Variants in HYDIN observed in about 807,000 individuals in gnomAD.
HYDIN encodes HYDIN axonemal central pair apparatus protein, also known as axonemal central pair apparatus protein HYDIN.
A neutral mutation model predicts 403.9 loss-of-function variants in HYDIN; 132 were observed. The observed-to-expected ratio is 0.33, with a 90% confidence interval of 0.28 to 0.38. HYDIN has a LOEUF of 0.38. HYDIN is among the 10% of genes least tolerant of loss of function. HYDIN has a pLI of 1.00. For synonymous variants in HYDIN, 1,202 were observed against 1,891.7 expected, an observed-to-expected ratio of 0.64 and a Z score of 9.46; for missense variants, 2,827 against 5,009.5, an observed-to-expected ratio of 0.56 and a Z score of 13.15.
intron 13 of HYDIN, among the ~76,000 whole-genome samples, chr16:71,073,061 A>C (rs2144316647): frequency 6.6e-6 from 1 of 152,392 alleles, no homozygotes; most frequent in Admixed American, 6.5e-5. Context: ...TTTCTAAAAA[A>C]ACAGAAAAAA....
At chr16:71,000,785 T>C (rs1372948778) in intron 23 of HYDIN, among the ~76,000 whole-genome samples, 2 of 152,002 alleles carry the variant, frequency 1.3e-5, no homozygotes, top group Non-Finnish European at 2.9e-5. Context: ...AGATTCTAGA[T>C]GAACAGGCTA....
At chr16:70,945,181 C>T (rs1285727486) in intron 41 of HYDIN, among the ~76,000 whole-genome samples, 1 of 152,092 alleles carries the variant, frequency 6.6e-6, no homozygotes, top group African/African-American at 2.4e-5. Flanking sequence ...GTGACTGAGA[C>T]GAAAATGGTG....
chr16:71,187,901 A>C (rs570689927), intron 1 of HYDIN, among the ~76,000 whole-genome samples: 2 of 152,304 alleles, frequency 1.3e-5, no homozygotes, highest in Admixed American at 1.3e-4. Flanking sequence ...AAGATCCACC[A>C]TGCTATAATT....
chr16:71,206,719 A>G (rs368218074), intron 1 of HYDIN, among the ~76,000 whole-genome samples: 3 of 152,256 alleles, frequency 2.0e-5, no homozygotes, highest in East Asian at 1.9e-4. Context: ...TAGCCAGTAT[A>G]GAAAAGAATG....
At chr16:71,028,722 T>C (rs1419280185) in intron 19 of HYDIN, among the ~76,000 whole-genome samples, 2 of 152,242 alleles carry the variant, frequency 1.3e-5, no homozygotes, top group African/African-American at 4.8e-5. Flanking sequence ...AGTTGAACCA[T>C]GAAATAAACA....
chr16:70,991,502 C>T lies in HYDIN; in HGVS notation c.3786-106G>A, dbSNP rs539385845. 15 of 1,527,260 alleles carry T rather than the reference C, an allele frequency of 9.8e-6. No homozygotes were observed. In the South Asian group the frequency reaches 1.6e-4, roughly 16 times the overall value. The allele number at this position is 1,527,260 out of a possible 1,614,324, so 94.6% of individuals were successfully genotyped here. On this transcript the variant is annotated intron_variant, in intron 24 of 85. Transcript: ENST00000393567. Reference sequence around the variant, plus strand: ...TTCCTCTTCTCCCTCTACCACACCCCCAAACGTAAGGGGGATTCTCAATCA... The same window carrying T: ...TTCCTCTTCTCCCTCTACCACACCCTCAAACGTAAGGGGGATTCTCAATCA...
intron 45 of HYDIN, among the ~76,000 whole-genome samples, chr16:70,930,200 G>T (rs1365748660): frequency 6.6e-6 from 1 of 152,374 alleles, no homozygotes; most frequent in East Asian, 1.9e-4. Context: ...CACCAACCGG[G>T]CTGGGCACAG....
chr16:71,044,898 G>A (rs192894182), intron 18 of HYDIN, among the ~76,000 whole-genome samples: 4 of 150,580 alleles, frequency 2.7e-5, no homozygotes, highest in African/African-American at 7.3e-5. Context: ...TTCTTCTTCC[G>A]GTGATGATAC....
chr16:71,151,216 T>G (rs1022946938), intron 7 of HYDIN, among the ~76,000 whole-genome samples: 5 of 152,144 alleles, frequency 3.3e-5, no homozygotes, highest in Admixed American at 3.3e-4. Flanking sequence ...CTAGTTTCTC[T>G]TGCTAGCAGC....
At chr16:70,898,253 T>G (rs572485424) in intron 53 of HYDIN, among the ~76,000 whole-genome samples, 1 of 151,664 alleles carries the variant, frequency 6.6e-6, no homozygotes, top group Non-Finnish European at 1.5e-5. Context: ...CTCTCCAATA[T>G]CCCCTTGCTG....
intron 9 of HYDIN, among the ~76,000 whole-genome samples, chr16:71,125,944 A>G (rs1001622417): frequency 1.5e-4 from 22 of 149,304 alleles, no homozygotes; most frequent in African/African-American, 5.6e-4. Context: ...CACCCATCTC[A>G]CCCTCTGTCT....
chr16:71,217,204 T>A (rs1436248642), intron 1 of HYDIN, among the ~76,000 whole-genome samples: 1 of 152,196 alleles, frequency 6.6e-6, no homozygotes, highest in Non-Finnish European at 1.5e-5. Context: ...ATAAGAATAA[T>A]GTACAACTAT....
At chr16:71,107,476 G>GA (rs1306021584) in intron 10 of HYDIN, among the ~76,000 whole-genome samples, 2 of 149,964 alleles carry the variant, frequency 1.3e-5, no homozygotes, top group South Asian at 2.1e-4. Flanking sequence ...CAATTTATAA[G>GA]AAAAAAACAA....
At chr16:71,227,182 T>C (rs2144776918) in intron 1 of HYDIN, among the ~76,000 whole-genome samples, 1 of 151,922 alleles carries the variant, frequency 6.6e-6, no homozygotes, top group Admixed American at 6.6e-5. Flanking sequence ...TATATATGAA[T>C]GATATGGGCA....
At chr16:71,020,445 T>C in intron 21 of HYDIN, 128 bp from the exon 22 acceptor site, 1 of 1,332,108 alleles carries the variant, frequency 7.5e-7, no homozygotes, top group Non-Finnish European at 1.0e-6. Context: ...TGTGTGTGTG[T>C]GTGTATATAT....
intron 35 of HYDIN, 27 bp from the exon 36 acceptor site, chr16:70,970,786 A>G: frequency 6.3e-7 from 1 of 1,596,502 alleles, no homozygotes; most frequent in Non-Finnish European, 8.6e-7. Flanking sequence ...CAAAACAAGC[A>G]TCTGAGTTTA....
intron 65 of HYDIN, among the ~76,000 whole-genome samples, chr16:70,869,952 A>G (rs896117998): frequency 1.3e-5 from 2 of 149,310 alleles, no homozygotes; most frequent in African/African-American, 4.9e-5. Context: ...TGATATGGAC[A>G]ATGAAATCCA....
At chr16:70,968,562 A>T (rs967920329) in intron 36 of HYDIN, among the ~76,000 whole-genome samples, 1 of 152,158 alleles carries the variant, frequency 6.6e-6, no homozygotes, top group Non-Finnish European at 1.5e-5. Context: ...AGTAATGAAG[A>T]GCTCCTCCTA....
chr16:70,988,823 GA>G (rs1230758944), intron 25 of HYDIN, among the ~76,000 whole-genome samples: 1 of 144,404 alleles, frequency 6.9e-6, no homozygotes, highest in African/African-American at 2.7e-5. Flanking sequence ...ACATATTATT[GA>G]GTGAAAAGCA....
Sources: allele counts gnomAD v4.1 joint callset (sites outside exome capture counted in the v4.1 genomes callset), GRCh38; gene constraint gnomAD v4.1.1; transcripts MANE v1.5; gene names NCBI Gene and HGNC (gene_info 2026-07-23, HGNC 2026-07-21).